Variants in TENM2 observed in about 807,000 individuals in gnomAD.
TENM2 encodes teneurin transmembrane protein 2.
Under a neutral mutation model 245.2 loss-of-function variants are expected in TENM2, and 52 were observed. The ratio of observed to expected loss-of-function variants is 0.21; its 90% CI spans 0.17 to 0.27. The LOEUF (loss-of-function observed/expected upper bound fraction) is 0.27. TENM2 is among the 10% of genes least tolerant of loss of function. TENM2 has a pLI of 1.00. For missense variants in TENM2, 3,046 were observed against 3,666.8 expected (o/e 0.83, Z 4.37); for synonymous variants, 1,363 against 1,438.9 (o/e 0.95, Z 1.19).
the TENM2 span, among the ~76,000 whole-genome samples, chr5:167,239,939 C>CT: frequency 3.9e-5 from 6 of 152,100 alleles, no homozygotes; most frequent in Admixed American, 3.3e-4. Flanking sequence ...TGCTCGGCTA[C>CT]TTTTTTGTAT....
intron 25 of TENM2, among the ~76,000 whole-genome samples, chr5:168,228,966 A>C (rs577310890): frequency 6.8e-6 from 1 of 147,806 alleles, no homozygotes; most frequent in Admixed American, 6.8e-5. Flanking sequence ...TGTATACATA[A>C]TATACATATA....
In TENM2 at chr5:168,157,042, A is replaced by T. The variant is rs1757249742; in HGVS notation, c.2423-5569A>T. 2.6e-5 allele frequency among the ~76,000 whole-genome samples: 4 copies of T among 152,192 alleles called. 1 individual carries two copies. The highest frequency in any genetic ancestry group is 9.7e-5 in the African/African-American group (4 of 41,434). On this transcript the variant is annotated intron_variant, in intron 12 of 28. Coordinates refer to ENST00000518659, the Ensembl canonical transcript of TENM2. ...TTAAGGAAGAGCTGCTACATGGCCT[A>T]GCGAGCATCAAGGAGGTACCAGCCA...
chr5:167,017,674 C>T, the TENM2 span, among the ~76,000 whole-genome samples: 115 of 152,270 alleles, frequency 7.6e-4, no homozygotes, highest in African/African-American at 2.7e-3. Context: ...ATATTGGACA[C>T]ATCATAGATT....
chr5:167,562,638 G>A lies in TENM2; in HGVS notation c.502+187165G>A, dbSNP rs60039219. On this transcript the variant is annotated intron_variant, in intron 2 of 28. Transcript: ENST00000518659. ...ATGTGAAGTATTCAAATGGAAGCCT[G>A]TGACTGCTGCTTGGCCAACCTTGTG... Among the ~76,000 whole-genome samples, 612 of 152,312 alleles carry A rather than the reference G, an allele frequency of 4.0e-3. 3 individuals carry two copies. Among genetic ancestry groups the A allele is most frequent in the African/African-American group, 0.014 (580 of 41,580 alleles).
intron 2 of TENM2, among the ~76,000 whole-genome samples, chr5:167,402,242 G>T (rs1327557258): frequency 6.6e-6 from 1 of 152,130 alleles, no homozygotes; most frequent in Admixed American, 6.6e-5. Flanking sequence ...AAAGGTTGTT[G>T]TGGGATTATA....
At chr5:167,548,270 C>T (rs1222687840) in intron 2 of TENM2, among the ~76,000 whole-genome samples, 2 of 152,082 alleles carry the variant, frequency 1.3e-5, no homozygotes, top group Non-Finnish European at 2.9e-5. Context: ...AGACTTTTTT[C>T]TTATTCTTTT....
intron 5 of TENM2, among the ~76,000 whole-genome samples, chr5:168,003,973 C>T (rs1489876149): frequency 1.3e-5 from 2 of 152,140 alleles, no homozygotes; most frequent in Non-Finnish European, 1.5e-5. Context: ...TTGATCTCCA[C>T]GTAATTCAGC....
At chr5:167,141,864 G>A in the TENM2 span, among the ~76,000 whole-genome samples, 1 of 152,114 alleles carries the variant, frequency 6.6e-6, no homozygotes, top group Non-Finnish European at 1.5e-5. Context: ...CTGATACATA[G>A]CAAGGACAAA....
the TENM2 span, among the ~76,000 whole-genome samples, chr5:167,128,678 C>T: frequency 6.6e-6 from 1 of 152,152 alleles, no homozygotes; most frequent in Non-Finnish European, 1.5e-5. Context: ...CTGTGTTTTG[C>T]CTTCCAATCA....
chr5:167,724,026 A>G (rs950731147), intron 2 of TENM2, among the ~76,000 whole-genome samples: 42 of 152,180 alleles, frequency 2.8e-4, no homozygotes, highest in African/African-American at 9.7e-4. Flanking sequence ...TACCTGTTTG[A>G]TGAGAATTAA....
At chr5:168,128,366 T>G (rs996840937) in intron 12 of TENM2, among the ~76,000 whole-genome samples, 35 of 152,234 alleles carry the variant, frequency 2.3e-4, no homozygotes, top group African/African-American at 8.2e-4. Context: ...GGGGCATTCC[T>G]TTTGCTGTAC....
At chr5:167,937,509 T>C (rs1283400038) in intron 3 of TENM2, among the ~76,000 whole-genome samples, 1 of 152,220 alleles carries the variant, frequency 6.6e-6, no homozygotes, top group African/African-American at 2.4e-5. Context: ...GTTCCCATCA[T>C]GGCAATGTGG....
the TENM2 span, among the ~76,000 whole-genome samples, chr5:167,155,478 C>G: frequency 3.6e-4 from 55 of 152,290 alleles, no homozygotes; most frequent in South Asian, 0.011. Flanking sequence ...TTTAAACTTG[C>G]CCCTGAACCC....
chr5:167,084,366 T>TATATATATATATATATATATATACAC, the TENM2 span, among the ~76,000 whole-genome samples: 4 of 114,898 alleles, frequency 3.5e-5, no homozygotes, highest in Non-Finnish European at 7.4e-5. Flanking sequence ...TATATATATA[T>TATATATATATATATATATATATACAC]ACAGATCAGA....
At chr5:167,782,649 A>G (rs538507499) in intron 2 of TENM2, among the ~76,000 whole-genome samples, 43 of 152,322 alleles carry the variant, frequency 2.8e-4, no homozygotes, top group African/African-American at 1.0e-3. Flanking sequence ...TGTAAAAACA[A>G]AAAAATTACA....
At chr5:167,299,252 G>A (rs549025076) in intron 1 of TENM2, among the ~76,000 whole-genome samples, 2 of 152,290 alleles carry the variant, frequency 1.3e-5, no homozygotes, top group East Asian at 3.9e-4. Context: ...AGGCTGGTCT[G>A]TTAACAGACT....
chr5:167,986,016 G>T (rs556994291), intron 4 of TENM2, among the ~76,000 whole-genome samples: 2 of 152,150 alleles, frequency 1.3e-5, no homozygotes, highest in Non-Finnish European at 2.9e-5. Context: ...ATTGGTGGGG[G>T]CTCTTGTTGC....
chr5:167,788,206 G>A (rs911073438), intron 2 of TENM2, among the ~76,000 whole-genome samples: 5 of 152,094 alleles, frequency 3.3e-5, no homozygotes, highest in South Asian at 4.2e-4. Context: ...ATGACTTTGG[G>A]CCAATTGCCT....
chr5:167,068,514 C>T, the TENM2 span, among the ~76,000 whole-genome samples: 1 of 152,060 alleles, frequency 6.6e-6, no homozygotes, highest in East Asian at 1.9e-4. Context: ...TAATGTATAA[C>T]CAAAGTAAAA....
Sources: allele counts gnomAD v4.1 joint callset (sites outside exome capture counted in the v4.1 genomes callset), GRCh38; gene constraint gnomAD v4.1.1; transcripts MANE v1.5; gene names NCBI Gene and HGNC (gene_info 2026-07-23, HGNC 2026-07-21).